Variants in SGCZ observed in about 807,000 individuals in gnomAD.
SGCZ encodes zeta-sarcoglycan.
A neutral mutation model predicts 41.3 loss-of-function variants in SGCZ; 40 were observed. That is an observed-to-expected ratio of 0.97 (90% CI 0.75 to 1.26). The LOEUF is 1.26. SGCZ is among the 50% of genes most tolerant of loss of function. SGCZ has a pLI of 0.00. For synonymous variants in SGCZ, 206 were observed against 137.5 expected (o/e 1.50, Z -3.49); for missense variants, 552 against 369.8 (o/e 1.49, Z -4.04).
intron 3 of SGCZ, among the ~76,000 whole-genome samples, chr8:14,315,228 C>A (rs1008035555): frequency 3.3e-5 from 5 of 152,106 alleles, no homozygotes; most frequent in Non-Finnish European, 7.4e-5. Flanking sequence ...CATTGTCCAC[C>A]TGACAGGATT....
At chr8:14,671,719 A>G (rs1265587935) in intron 1 of SGCZ, among the ~76,000 whole-genome samples, 1 of 152,164 alleles carries the variant, frequency 6.6e-6, no homozygotes, top group Admixed American at 6.6e-5. Context: ...CTTATAATAA[A>G]TATTTGGATA....
At position 14,842,182 on chromosome 8, in the gene SGCZ, A is replaced by G. The variant is rs1219132048; in HGVS notation, c.40-287256T>C. Among the ~76,000 whole-genome samples, 4 of 152,200 alleles carry G rather than the reference A, an allele frequency of 2.6e-5. No homozygotes were observed. The South Asian group carries it at 6.2e-4, about 24-fold the overall frequency. ...CATCAGGATAAATCTTCTGAAGTAAATGGAGTTCGAAGGACCAACAAGAGA... is the reference window on the plus strand; with the variant it reads ...CATCAGGATAAATCTTCTGAAGTAAGTGGAGTTCGAAGGACCAACAAGAGA... On this transcript the variant is annotated intron_variant, in intron 1 of 7. Coordinates refer to ENST00000382080, the MANE Select transcript of SGCZ (RefSeq NM_139167.4).
At chr8:15,164,639 G>GTTTT (rs71211011) in intron 1 of SGCZ, among the ~76,000 whole-genome samples, 10,808 of 140,676 alleles carry the variant, frequency 0.077, 432 homozygotes, top group Non-Finnish European at 0.081. Context: ...TTTTAAGCAA[G>GTTTT]TTTTTTTTTT....
chr8:14,400,509 T>G (rs80010380), intron 2 of SGCZ, among the ~76,000 whole-genome samples: 6,137 of 152,200 alleles, frequency 0.04, 390 homozygotes, highest in African/African-American at 0.14. Flanking sequence ...TGCCTAAGGG[T>G]CAAATTGTTG....
chr8:14,773,778 A>T (rs2130405189), intron 1 of SGCZ, among the ~76,000 whole-genome samples: 1 of 152,316 alleles, frequency 6.6e-6, no homozygotes, highest in South Asian at 2.1e-4. Flanking sequence ...AGAGACTCTT[A>T]ACCAAGGATG....
At chr8:14,166,058 A>T (rs1459222483) in intron 4 of SGCZ, among the ~76,000 whole-genome samples, 2 of 151,918 alleles carry the variant, frequency 1.3e-5, no homozygotes, top group African/African-American at 4.8e-5. Context: ...AGCCATATGT[A>T]TTTTTTTTAA....
chr8:14,948,973 A>G (rs1230469171), intron 1 of SGCZ, among the ~76,000 whole-genome samples: 2 of 148,530 alleles, frequency 1.3e-5, no homozygotes, highest in Non-Finnish European at 3.0e-5. Context: ...TTTCCCTCTG[A>G]TTTCCCCTGA....
At chr8:14,237,484 A>AAACAAC (rs71541654) in intron 4 of SGCZ, 108 bp downstream of exon 4, 682 of 889,996 alleles carry the variant, frequency 7.7e-4, no homozygotes, top group East Asian at 1.3e-3. Flanking sequence ...CTCTGTCTCA[A>AAACAAC]AACAACAACA....
At chr8:14,320,335 G>C (rs115013204) in intron 3 of SGCZ, among the ~76,000 whole-genome samples, 3 of 151,834 alleles carry the variant, frequency 2.0e-5, no homozygotes, top group Non-Finnish European at 2.9e-5. Flanking sequence ...CAGATTTGCC[G>C]TGTTACCTGA....
chr8:14,767,946 C>A (rs891991795), intron 1 of SGCZ, among the ~76,000 whole-genome samples: 13 of 152,132 alleles, frequency 8.5e-5, no homozygotes, highest in African/African-American at 3.1e-4. Context: ...TAGATAGCAA[C>A]AGAATCTTGA....
At chr8:14,854,955 T>C (rs1803490456) in intron 1 of SGCZ, among the ~76,000 whole-genome samples, 1 of 151,346 alleles carries the variant, frequency 6.6e-6, no homozygotes, top group South Asian at 2.1e-4. Flanking sequence ...CTATGGCCTC[T>C]CTTGGGAAAT....
At chr8:14,320,803 C>T (rs1221436316) in intron 3 of SGCZ, among the ~76,000 whole-genome samples, 1 of 152,022 alleles carries the variant, frequency 6.6e-6, no homozygotes, top group African/African-American at 2.4e-5. Context: ...TGGTGAGATA[C>T]CACCTCACCT....
chr8:14,628,209 C>A (rs1406932035), intron 1 of SGCZ, among the ~76,000 whole-genome samples: 4 of 151,964 alleles, frequency 2.6e-5, no homozygotes, highest in Non-Finnish European at 5.9e-5. Flanking sequence ...CAAATTCCAG[C>A]AAGTCATCTA....
chr8:15,191,226 A>G (rs1160439191), intron 1 of SGCZ, among the ~76,000 whole-genome samples: 3 of 152,122 alleles, frequency 2.0e-5, no homozygotes, highest in African/African-American at 7.2e-5. Context: ...TCTAAACTTA[A>G]TTACATATAT....
intron 1 of SGCZ, among the ~76,000 whole-genome samples, chr8:14,664,795 T>C (rs941078126): frequency 6.6e-6 from 1 of 152,162 alleles, no homozygotes; most frequent in Non-Finnish European, 1.5e-5. Flanking sequence ...CTACAGTGAA[T>C]GGTTTTTCTC....
chr8:14,741,327 G>T (rs184741373), intron 1 of SGCZ, among the ~76,000 whole-genome samples: 2 of 152,048 alleles, frequency 1.3e-5, no homozygotes, highest in Admixed American at 6.6e-5. Flanking sequence ...AGAAATAAGT[G>T]ACTGATTTTA....
At chr8:14,688,862 T>C (rs951231736) in intron 1 of SGCZ, among the ~76,000 whole-genome samples, 1 of 152,118 alleles carries the variant, frequency 6.6e-6, no homozygotes, top group East Asian at 1.9e-4. Flanking sequence ...ATCTAGAAAA[T>C]CCCATTGTCT....
intron 1 of SGCZ, among the ~76,000 whole-genome samples, chr8:14,738,265 T>C (rs1390302446): frequency 6.6e-6 from 1 of 152,092 alleles, no homozygotes; most frequent in African/African-American, 2.4e-5. Flanking sequence ...TTTTACAGCA[T>C]GCTAGAATTC....
intron 2 of SGCZ, among the ~76,000 whole-genome samples, chr8:14,373,954 T>C (rs182103242): frequency 1.9e-3 from 294 of 152,170 alleles, no homozygotes; most frequent in African/African-American, 6.5e-3. Context: ...AACCTACACA[T>C]CCTGCACATG....
Sources: gnomAD v4.1 joint callset for allele counts (sites outside exome capture counted in the v4.1 genomes callset) on GRCh38, gnomAD v4.1.1 for gene constraint, MANE v1.5 for transcripts, NCBI Gene and HGNC (gene_info 2026-07-23, HGNC 2026-07-21) for gene names.